USP15: variants seen among roughly 807,000 people sequenced by gnomAD.
USP15 encodes ubiquitin specific peptidase 15.
A neutral mutation model predicts 127.1 loss-of-function variants in USP15; 18 were observed. The observed-to-expected ratio is 0.14, with a 90% CI of 0.10 to 0.21. USP15 has a LOEUF of 0.21. USP15 is among the 10% of genes least tolerant of loss of function. The probability of loss-of-function intolerance (pLI) is 1.00; values close to 1 mark genes in which losing one functional copy is unlikely to be tolerated. For synonymous variants in USP15, 364 were observed against 393.7 expected, an observed-to-expected ratio of 0.92 and a Z score of 0.89; for missense variants, 805 against 1,159.9, an observed-to-expected ratio of 0.69 and a Z score of 4.44.
At chr12:62,306,877 A>G (rs2064500244) in intron 3 of USP15, among the ~76,000 whole-genome samples, 2 of 152,162 alleles carry the variant, frequency 1.3e-5, no homozygotes, top group South Asian at 4.1e-4. Flanking sequence ...TCACAGTACT[A>G]TTCAGACAAA....
intron 2 of USP15, among the ~76,000 whole-genome samples, chr12:62,299,249 T>C (rs2064229862): frequency 1.3e-5 from 2 of 152,142 alleles, no homozygotes; most frequent in Admixed American, 6.6e-5. Flanking sequence ...TAGCTGGGAT[T>C]ACAGATGCGT....
chr12:62,332,066 A>T, intron 6 of USP15, among the ~76,000 whole-genome samples: 1 of 152,028 alleles, frequency 6.6e-6, no homozygotes, highest in Admixed American at 6.6e-5. Flanking sequence ...CGGGAGGCTG[A>T]GGCCGGAGAA....
intron 2 of USP15, among the ~76,000 whole-genome samples, chr12:62,295,617 GA>G (rs1292935386): frequency 6.6e-6 from 1 of 152,100 alleles, no homozygotes; most frequent in African/African-American, 2.4e-5. Context: ...AAGAACAGAT[GA>G]GACAAATACA....
intron 4 of USP15, among the ~76,000 whole-genome samples, 192 bp from the exon 5 acceptor site, chr12:62,321,272 A>C (rs2064978885): frequency 6.6e-6 from 1 of 152,188 alleles, no homozygotes. Flanking sequence ...GTTGGAGTAC[A>C]AATACCATTT....
intron 8 of USP15, among the ~76,000 whole-genome samples, chr12:62,363,799 C>T (rs2066390317): frequency 6.6e-6 from 1 of 152,062 alleles, no homozygotes; most frequent in South Asian, 2.1e-4. Flanking sequence ...ATGTAGAAGG[C>T]ACTCAAATTA....
chr12:62,392,347 CT>C lies in USP15; in HGVS notation c.2385del (p.Phe795LeufsTer7). Reference protein sequence around the residue: ...PFVKLKDCIELFTTKEKLGAE... With the variant: ...PFVKLKDCIEXFTTKEKLGAE... ...TGTGAAATTAAAAGATTGCATTGAA[CT>C]TTTTACAACAAAAGAAAAGCTAGGT... On this transcript the variant is annotated frameshift_variant, in exon 18 of 22. Coordinates refer to ENST00000280377, the MANE Select transcript of USP15 (RefSeq NM_001252078.2). LOFTEE classifies it high-confidence loss of function. The C allele has an allele frequency of 6.2e-7, 1 of 1,605,326 alleles. No individual in the cohort carries two copies. The highest frequency in any genetic ancestry group is 1.1e-5 in the South Asian group (1 of 89,382).
intron 2 of USP15, among the ~76,000 whole-genome samples, chr12:62,295,240 A>G (rs1464408083): frequency 6.6e-6 from 1 of 152,222 alleles, no homozygotes; most frequent in African/African-American, 2.4e-5. Flanking sequence ...AGAAGGAACA[A>G]TCATCGAGGC....
Position 62,336,308 on chromosome 12 carries a change from C to T in USP15, c.683+10375C>T, listed in dbSNP as rs144136356. 8 of 985,346 alleles carry T rather than the reference C, an allele frequency of 8.1e-6. No individual in the cohort carries two copies. The African/African-American group carries it at 1.4e-4, about 17-fold the overall frequency. 61.0% of individuals were successfully genotyped at this position (985,346 alleles called of 1,614,324 possible). On this transcript the variant is annotated intron_variant, in intron 6 of 21. Transcript: ENST00000280377. ...TAGGACTCACCACCTCAAATTAAAC[C>T]AAATCTTTTTACCCCTCCTTCTCCC...
At chr12:62,383,283 A>G (rs576949974) in intron 9 of USP15, among the ~76,000 whole-genome samples, 8 of 152,086 alleles carry the variant, frequency 5.3e-5, no homozygotes, top group East Asian at 1.9e-4. Context: ...CAACCAGACA[A>G]TGTATAACTT....
chr12:62,319,656 A>G (rs760987020), intron 4 of USP15, among the ~76,000 whole-genome samples: 13 of 151,408 alleles, frequency 8.6e-5, no homozygotes, highest in Non-Finnish European at 1.5e-4. Context: ...TACTACCCCT[A>G]TGCCTGTAAT....
chr12:62,406,605 T>A lies in USP15; in HGVS notation c.*2230T>A, dbSNP rs1296573894. 6.6e-6 allele frequency: 1 copy of A among 152,204 alleles called. No individual in the cohort carries two copies. The highest frequency in any genetic ancestry group is 1.5e-5 in the Non-Finnish European group (1 of 68,036). The allele number at this position is 152,204 out of a possible 1,614,324, so 9.4% of individuals were successfully genotyped here. On this transcript the variant is annotated 3_prime_UTR_variant, in exon 22 of 22. Coordinates refer to ENST00000280377, the MANE Select transcript of USP15 (RefSeq NM_001252078.2). The stretch of plus-strand genomic sequence containing the variant: ...AAACTGCCAAACTCAAATGTCATTT[T>A]TCAGCTGCAAGAAGTATACTTTAAA...
intron 1 of USP15, among the ~76,000 whole-genome samples, chr12:62,287,525 G>T (rs894594333): frequency 6.6e-6 from 1 of 152,074 alleles, no homozygotes; most frequent in Non-Finnish European, 1.5e-5. Flanking sequence ...TAGGTTGTCT[G>T]TTCTCTCAAT....
At chr12:62,373,959 T>C (rs1292916237) in intron 8 of USP15, among the ~76,000 whole-genome samples, 1 of 152,022 alleles carries the variant, frequency 6.6e-6, no homozygotes, top group African/African-American at 2.4e-5. Context: ...TTTGCTGTGT[T>C]ATCCACTTGT....
intron 6 of USP15, among the ~76,000 whole-genome samples, chr12:62,329,511 A>T (rs900392028): frequency 6.6e-6 from 1 of 152,280 alleles, no homozygotes; most frequent in Admixed American, 6.5e-5. Context: ...CTATACACAG[A>T]GTTAAAAGTC....
chr12:62,321,386 G>T, intron 4 of USP15, 78 bp from the exon 5 acceptor site: 2 of 836,708 alleles, frequency 2.4e-6, no homozygotes, highest in South Asian at 4.2e-5. Flanking sequence ...AAGAATTTTT[G>T]TGCTGGTAAC....
At chr12:62,353,902 A>C (rs745857264) in intron 7 of USP15, among the ~76,000 whole-genome samples, 1 of 152,076 alleles carries the variant, frequency 6.6e-6, no homozygotes, top group Non-Finnish European at 1.5e-5. Flanking sequence ...GTAAATAGCT[A>C]TAAGTCTAGC....
intron 1 of USP15, among the ~76,000 whole-genome samples, chr12:62,275,262 A>G (rs1592470363): frequency 6.6e-6 from 1 of 152,098 alleles, no homozygotes; most frequent in Non-Finnish European, 1.5e-5. Context: ...TAGCTCTGAG[A>G]TGCAGATTTT....
intron 6 of USP15, among the ~76,000 whole-genome samples, chr12:62,327,464 C>T (rs2065159888): frequency 6.6e-6 from 1 of 151,934 alleles, no homozygotes; most frequent in Admixed American, 6.6e-5. Flanking sequence ...AAAGCAGAAC[C>T]ACTGTTGTTT....
At chr12:62,307,736 C>T (rs372858362) in intron 3 of USP15, among the ~76,000 whole-genome samples, 4 of 152,152 alleles carry the variant, frequency 2.6e-5, no homozygotes, top group Admixed American at 2.6e-4. Flanking sequence ...CTATACACTA[C>T]CTTCCCGTTT....
Sources: gnomAD v4.1 joint callset for allele counts (sites outside exome capture counted in the v4.1 genomes callset) on GRCh38, gnomAD v4.1.1 for gene constraint, MANE v1.5 for transcripts, NCBI Gene and HGNC (gene_info 2026-07-23, HGNC 2026-07-21) for gene names.